Variants in CUX1 observed in about 807,000 individuals in gnomAD.
The protein encoded by CUX1 is cut like homeobox 1.
In CUX1, 31 loss-of-function variants were observed where a neutral mutation model predicts 158.8. The ratio of observed to expected loss-of-function variants is 0.20; its 90% CI spans 0.15 to 0.26. CUX1 has a LOEUF of 0.26. CUX1 is among the 10% of genes least tolerant of loss of function. CUX1 has a pLI of 1.00. For missense variants in CUX1, 1,589 were observed against 2,014.6 expected, an observed-to-expected ratio of 0.79 and a Z score of 4.04; for synonymous variants, 879 against 862.1, an observed-to-expected ratio of 1.02 and a Z score of -0.34.
intron 16 of CUX1, chr7:102,274,398 T>C: frequency 8.4e-7 from 1 of 1,187,804 alleles, no homozygotes; most frequent in Non-Finnish European, 1.2e-6. Flanking sequence ...CCCCAAAGAG[T>C]AGTCCCTTCC....
chr7:102,276,474 G>C (rs1791615410), intron 17 of CUX1, among the ~76,000 whole-genome samples: 1 of 152,124 alleles, frequency 6.6e-6, no homozygotes, highest in South Asian at 2.1e-4. Context: ...GCTAATTTTT[G>C]TATTTTTAGT....
intron 2 of CUX1, among the ~76,000 whole-genome samples, chr7:102,026,658 A>G (rs1820059907): frequency 6.6e-6 from 1 of 151,712 alleles, no homozygotes; most frequent in Non-Finnish European, 1.5e-5. Context: ...CGTCTCTACT[A>G]AAAATACAAA....
At chr7:102,061,362 G>A (rs1036299452) in intron 3 of CUX1, among the ~76,000 whole-genome samples, 2 of 152,112 alleles carry the variant, frequency 1.3e-5, no homozygotes, top group African/African-American at 4.8e-5. Flanking sequence ...GCCCCAGTGC[G>A]CAATGCTGGA....
At chr7:102,195,799 C>G (rs1794743035) in intron 14 of CUX1, among the ~76,000 whole-genome samples, 196 bp downstream of exon 14, 1 of 152,208 alleles carries the variant, frequency 6.6e-6, no homozygotes, top group Admixed American at 6.5e-5. Context: ...CTGCTTAAAG[C>G]TGGATGTCGA....
chr7:102,086,277 G>A (rs1554480473), intron 4 of CUX1, among the ~76,000 whole-genome samples: 1 of 120,058 alleles, frequency 8.3e-6, no homozygotes, highest in African/African-American at 3.1e-5. Flanking sequence ...TTTCAGTTTT[G>A]TTGCTTTCTG....
chr7:101,902,010 G>C (rs1485817470), intron 1 of CUX1, among the ~76,000 whole-genome samples: 1 of 152,228 alleles, frequency 6.6e-6, no homozygotes, highest in Non-Finnish European at 1.5e-5. Flanking sequence ...TGAGATCAGA[G>C]CTATTCCTTT....
chr7:102,057,283 G>A (rs1401893969), intron 3 of CUX1, among the ~76,000 whole-genome samples: 6 of 152,190 alleles, frequency 3.9e-5, no homozygotes, highest in Admixed American at 2.6e-4. Context: ...CAAGATGAAT[G>A]TTGTTTCCAT....
chr7:101,950,074 G>T (rs191228195), intron 2 of CUX1, among the ~76,000 whole-genome samples: 4 of 151,978 alleles, frequency 2.6e-5, no homozygotes, highest in African/African-American at 7.2e-5. Flanking sequence ...ATGCTGGCGC[G>T]ATCTCAGCTC....
At chr7:102,102,184 C>T (rs562547266) in intron 5 of CUX1, among the ~76,000 whole-genome samples, 1 of 152,090 alleles carries the variant, frequency 6.6e-6, no homozygotes, top group East Asian at 1.9e-4. Flanking sequence ...CTGATGGGAT[C>T]GTTGGTGGAA....
At chr7:102,066,953 C>T (rs1825615517) in intron 3 of CUX1, among the ~76,000 whole-genome samples, 1 of 152,206 alleles carries the variant, frequency 6.6e-6, no homozygotes, top group African/African-American at 2.4e-5. Context: ...CGTACATACA[C>T]ACACGCGTTT....
chr7:102,089,754 G>A (rs1201465674), intron 4 of CUX1, among the ~76,000 whole-genome samples: 1 of 152,198 alleles, frequency 6.6e-6, no homozygotes, highest in Non-Finnish European at 1.5e-5. Context: ...TGTAGCTCTT[G>A]TCCCTCCTTT....
chr7:101,878,136 A>G (rs36025429), intron 1 of CUX1, among the ~76,000 whole-genome samples: 3,504 of 152,344 alleles, frequency 0.023, 81 homozygotes, highest in Non-Finnish European at 0.037. Flanking sequence ...CACTAATTAT[A>G]TGCACAAAAG....
chr7:101,839,386 G>T (rs115567230), intron 1 of CUX1, among the ~76,000 whole-genome samples: 8 of 152,118 alleles, frequency 5.3e-5, no homozygotes, highest in African/African-American at 1.9e-4. Flanking sequence ...GCTGGATCCA[G>T]CCAGATAGTG....
At chr7:101,915,330 G>C (rs1019590555) in intron 1 of CUX1, among the ~76,000 whole-genome samples, 2 of 152,130 alleles carry the variant, frequency 1.3e-5, no homozygotes, top group African/African-American at 2.4e-5. Flanking sequence ...GTTGATTATC[G>C]GTTTGTTGCG....
At chr7:101,874,072 AT>A (rs1282301030) in intron 1 of CUX1, among the ~76,000 whole-genome samples, 1 of 152,162 alleles carries the variant, frequency 6.6e-6, no homozygotes, top group Admixed American at 6.5e-5. Flanking sequence ...TGTAAATCAT[AT>A]TTCATATTCT....
chr7:102,006,297 C>T (rs375245872), intron 2 of CUX1, among the ~76,000 whole-genome samples: 2 of 152,160 alleles, frequency 1.3e-5, no homozygotes, highest in Non-Finnish European at 2.9e-5. Context: ...AGGGAAGCCT[C>T]GTCAGGCTCT....
intron 3 of CUX1, among the ~76,000 whole-genome samples, chr7:102,062,396 CAG>C (rs1824991654): frequency 6.6e-6 from 1 of 152,206 alleles, no homozygotes; most frequent in African/African-American, 2.4e-5. Context: ...TTCCATATCT[CAG>C]AGATCTGGTG....
At chr7:102,146,240 C>T (rs1226069637) in intron 8 of CUX1, among the ~76,000 whole-genome samples, 1 of 152,136 alleles carries the variant, frequency 6.6e-6, no homozygotes, top group Non-Finnish European at 1.5e-5. Context: ...AATATCAGAG[C>T]CTCATTCCCT....
At chr7:101,860,371 A>G (rs1797310197) in intron 1 of CUX1, among the ~76,000 whole-genome samples, 1 of 152,194 alleles carries the variant, frequency 6.6e-6, no homozygotes, top group Admixed American at 6.6e-5. Flanking sequence ...TTCTCCATAA[A>G]TATTTCAGTA....
Sources: gnomAD v4.1 joint callset for allele counts (sites outside exome capture counted in the v4.1 genomes callset) on GRCh38, gnomAD v4.1.1 for gene constraint, MANE v1.5 for transcripts, NCBI Gene and HGNC (gene_info 2026-07-23, HGNC 2026-07-21) for gene names.